NYX: variants seen among roughly 807,000 people sequenced by gnomAD.
The protein encoded by NYX is nyctalopin, also known as leucine-rich repeat protein.
For missense variants in NYX, 481 were observed against 485.4 expected, an observed-to-expected ratio of 0.99 and a Z score of 0.09; for synonymous variants, 258 against 245.7, an observed-to-expected ratio of 1.05 and a Z score of -0.47.
intron 2 of NYX, among the ~76,000 whole-genome samples, chrX:41,466,839 A>G (rs1389693304): frequency 4.0e-5 from 3 of 75,201 alleles, no homozygotes; most frequent in East Asian, 9.8e-4. Flanking sequence ...CTTGTTGCCC[A>G]GGCTGGAGTG....
chrX:41,453,790 G>T (rs2064289827), intron 2 of NYX, among the ~76,000 whole-genome samples: 1 of 112,328 alleles, frequency 8.9e-6, no homozygotes, highest in Admixed American at 9.5e-5. Context: ...ATATTCCGTT[G>T]TATAGTTATG....
intron 2 of NYX, among the ~76,000 whole-genome samples, chrX:41,450,387 G>A (rs924652784): frequency 4.8e-4 from 51 of 105,702 alleles, no homozygotes; most frequent in African/African-American, 6.2e-4. Context: ...AGTGATTCTC[G>A]TGCCTCAGTC....
intron 2 of NYX, among the ~76,000 whole-genome samples, chrX:41,462,927 T>C (rs1400769159): frequency 8.9e-6 from 1 of 111,973 alleles, no homozygotes; most frequent in Non-Finnish European, 1.9e-5. Context: ...TTGCAGTGTC[T>C]TTGAAAGAGA....
intron 2 of NYX, among the ~76,000 whole-genome samples, chrX:41,471,639 A>G (rs751066848): frequency 1.3e-4 from 14 of 111,178 alleles, no homozygotes; most frequent in East Asian, 8.5e-4. Context: ...CAGACCCCCA[A>G]TAAACTTGTC....
chrX:41,472,586 C>A (rs1438283175), intron 2 of NYX: 4 of 498,199 alleles, frequency 8.0e-6, no homozygotes, highest in South Asian at 3.0e-5. Context: ...GGCAAAGCCA[C>A]GGCTGAGACC....
At chrX:41,448,144 G>A (rs2064265035) in intron 2 of NYX, among the ~76,000 whole-genome samples, 1 of 111,711 alleles carries the variant, frequency 9.0e-6, no homozygotes, top group South Asian at 3.8e-4. Flanking sequence ...CTCCTGAGCC[G>A]AATATATGAA....
rs2064283199 is a variant in NYX, at chrX:41,452,282, T to G, written c.22+4356T>G. 2.7e-5 allele frequency among the ~76,000 whole-genome samples: 3 copies of G among 111,758 alleles called. No homozygotes were observed. In the Admixed American group the frequency reaches 2.9e-4, roughly 11 times the overall value. ...ATGTTCTAAGTCTTGATTGGGGTGG[T>G]GGTTACACAGGCATGTGTACATTTA... On this transcript the variant is annotated intron_variant, in intron 2 of 2. Transcript: ENST00000378220.
In NYX at chrX:41,473,580, G is replaced by C. The variant is rs2064371733; in HGVS notation, c.112G>C (p.Gly38Arg). 3 of 1,012,468 alleles carry C rather than the reference G, an allele frequency of 3.0e-6. No individual in the cohort carries two copies. Among genetic ancestry groups the C allele is most frequent in the Non-Finnish European group, 3.8e-6 (3 of 797,424 alleles). 83.4% of individuals were successfully genotyped at this position (1,012,468 alleles called of 1,213,427 possible). A position where few individuals can be genotyped will look rare whatever the true frequency, so the allele number is the denominator to read the frequency against. Residue 38 changes from glycine to arginine, a missense_variant, in exon 3 of 3, where the codon GGC becomes CGC. Transcript: ENST00000378220. ...AACACSTVER[G>R]CSVRCDRAGL... ...CTGCGCCTGCAGCACCGTGGAGCGC[G>C]GCTGCTCGGTGCGCTGCGACCGCGC... is the stretch of plus-strand genomic sequence containing the variant.
intron 2 of NYX, chrX:41,472,449 C>T (rs2064365215): frequency 3.9e-6 from 4 of 1,018,731 alleles, no homozygotes; most frequent in African/African-American, 1.9e-5. Flanking sequence ...GCCAGCAGGC[C>T]GCGGAGGTAA....
chrX:41,465,137 C>G (rs2064333623), intron 2 of NYX, among the ~76,000 whole-genome samples: 1 of 111,033 alleles, frequency 9.0e-6, no homozygotes, highest in Non-Finnish European at 1.9e-5. Flanking sequence ...ATATTTATAG[C>G]AAATCTTTGC....
intron 2 of NYX, among the ~76,000 whole-genome samples, chrX:41,450,828 ATTTTT>A (rs745395959): frequency 0.091 from 6,196 of 68,036 alleles, 432 homozygotes; most frequent in East Asian, 0.43. Context: ...ATATATATAT[ATTTTT>A]TTTTTTTTTT....
At chrX:41,453,647 G>T (rs192754876) in intron 2 of NYX, among the ~76,000 whole-genome samples, 3 of 110,846 alleles carry the variant, frequency 2.7e-5, no homozygotes, top group African/African-American at 9.8e-5. Context: ...GTAGAGATGG[G>T]GTTTCACCAT....
At chrX:41,453,900 C>T (rs1385311187) in intron 2 of NYX, among the ~76,000 whole-genome samples, 1 of 112,885 alleles carries the variant, frequency 8.9e-6, no homozygotes, top group African/African-American at 3.2e-5. Flanking sequence ...GCAACTGTCT[C>T]TTTGAGACCT....
chrX:41,463,789 G>T (rs1165175111), intron 2 of NYX, among the ~76,000 whole-genome samples: 1 of 110,288 alleles, frequency 9.1e-6, no homozygotes, highest in Non-Finnish European at 1.9e-5. Flanking sequence ...GGCTGGTCTT[G>T]AACTCCTGAC....
chrX:41,469,095 G>A (rs1204172708), intron 2 of NYX, among the ~76,000 whole-genome samples: 1 of 111,790 alleles, frequency 8.9e-6, no homozygotes, highest in Non-Finnish European at 1.9e-5. Context: ...CTCTTCAGCT[G>A]TGTCTGAGAG....
intron 2 of NYX, among the ~76,000 whole-genome samples, chrX:41,449,010 C>T (rs1263506450): frequency 1.8e-5 from 2 of 112,066 alleles, no homozygotes; most frequent in South Asian, 7.3e-4. Flanking sequence ...CAAAGTTTCT[C>T]GCTCTGTTAT....
At chrX:41,465,531 C>CTT (rs767156393) in intron 2 of NYX, among the ~76,000 whole-genome samples, 16 of 92,032 alleles carry the variant, frequency 1.7e-4, no homozygotes, top group Non-Finnish European at 3.1e-4. Context: ...ACCTTGAACT[C>CTT]TTTTTTTTTT....
chrX:41,465,614 C>T lies in NYX; in HGVS notation c.23-7877C>T, dbSNP rs747657596. Among the ~76,000 whole-genome samples the T allele has an allele frequency of 5.7e-5, 6 of 104,409 alleles. No homozygotes were observed. The East Asian group carries it at 1.8e-3, about 32-fold the overall frequency. The allele number at this position is 104,409 out of a possible 115,157, so 90.7% of individuals were successfully genotyped here. A position where few individuals can be genotyped will look rare whatever the true frequency, so the allele number is the denominator to read the frequency against. On this transcript the variant is annotated intron_variant, in intron 2 of 2. Coordinates refer to ENST00000378220, the MANE Select transcript of NYX (RefSeq NM_001378477.3). Reference sequence around the variant, plus strand: ...GCATGATCTCAGCTCACTGCAACCTCCACCTGTAGTCCCAGCTACCTGCCC... The same window carrying T: ...GCATGATCTCAGCTCACTGCAACCTTCACCTGTAGTCCCAGCTACCTGCCC...
In NYX at chrX:41,473,911, G is replaced by A; in HGVS notation, c.443G>A (p.Arg148His). The A allele has an allele frequency of 1.8e-6, 2 of 1,123,063 alleles. No individual in the cohort carries two copies. Among genetic ancestry groups the A allele is most frequent in the Non-Finnish European group, 2.3e-6 (2 of 857,962 alleles). The allele number at this position is 1,123,063 out of a possible 1,213,427, so 92.6% of individuals were successfully genotyped here. ...TGCCGCCTCTTCAGCGTGCCCGAGC[G>A]CCTCCTGGCCGAACTGCCGGCCCTG... ...AACRLFSVPERLLAELPALRE... is the reference protein window; with the variant it reads ...AACRLFSVPEHLLAELPALRE... Residue 148 changes from arginine to histidine, a missense_variant, in exon 3 of 3, where the codon CGC becomes CAC. By Grantham distance (29) the Arg-to-His change is conservative (BLOSUM62 0). Coordinates refer to ENST00000378220, the MANE Select transcript of NYX (RefSeq NM_001378477.3).
Sources: allele counts gnomAD v4.1 joint callset (sites outside exome capture counted in the v4.1 genomes callset), GRCh38; gene constraint gnomAD v4.1.1; transcripts MANE v1.5; gene names NCBI Gene and HGNC (gene_info 2026-07-23, HGNC 2026-07-21).